Variants in LHFPL6 observed in about 807,000 individuals in gnomAD.
The protein encoded by LHFPL6 is LHFPL tetraspan subfamily member 6 protein.
In LHFPL6, 9 loss-of-function variants were observed where a neutral mutation model predicts 20.6. The ratio of observed to expected loss-of-function variants is 0.44; its 90% CI spans 0.26 to 0.76. The LOEUF is 0.76. Ranked by LOEUF, LHFPL6 falls within the 30% of genes least tolerant of loss-of-function variation. The pLI is 0.20. For synonymous variants in LHFPL6, 105 were observed against 98.7 expected (o/e 1.06, Z -0.38); for missense variants, 218 against 253.5 (o/e 0.86, Z 0.95).
At chr13:39,535,340 G>T (rs1870583662) in intron 2 of LHFPL6, among the ~76,000 whole-genome samples, 1 of 152,174 alleles carries the variant, frequency 6.6e-6, no homozygotes, top group South Asian at 2.1e-4. Flanking sequence ...TTGTTTCTCT[G>T]TCTCCTCTTT....
chr13:39,558,228 T>C (rs945332042), intron 2 of LHFPL6, among the ~76,000 whole-genome samples: 1 of 152,190 alleles, frequency 6.6e-6, no homozygotes, highest in Middle Eastern at 3.2e-3. Context: ...GTAGATGAGC[T>C]GTGGGGCCTT....
chr13:39,548,043 G>T (rs1045195280), intron 2 of LHFPL6, among the ~76,000 whole-genome samples: 9 of 151,974 alleles, frequency 5.9e-5, no homozygotes, highest in Non-Finnish European at 1.2e-4. Context: ...ATTGTTCTAC[G>T]TCAAAGACAA....
At chr13:39,378,303 C>T (rs367923153) in intron 3 of LHFPL6, 125 bp downstream of exon 3, 40 of 666,432 alleles carry the variant, frequency 6.0e-5, no homozygotes, top group South Asian at 5.9e-4. Flanking sequence ...TATTGTTACA[C>T]GTGACTACTG....
intron 2 of LHFPL6, among the ~76,000 whole-genome samples, chr13:39,481,953 A>G (rs549965607): frequency 1.3e-5 from 2 of 152,286 alleles, no homozygotes; most frequent in East Asian, 3.9e-4. Context: ...AAGAGGGAAC[A>G]GATTATAGGG....
At chr13:39,598,585 T>C (rs1872836788) in intron 2 of LHFPL6, among the ~76,000 whole-genome samples, 2 of 152,200 alleles carry the variant, frequency 1.3e-5, no homozygotes. Flanking sequence ...AGACAGAGTC[T>C]TGCTCTGTCG....
chr13:39,445,800 C>A (rs1872270694), intron 2 of LHFPL6, among the ~76,000 whole-genome samples: 1 of 152,132 alleles, frequency 6.6e-6, no homozygotes, highest in Non-Finnish European at 1.5e-5. Context: ...TAGAGGACAT[C>A]AAAGTTTGTT....
chr13:39,481,595 T>A (rs939638965), intron 2 of LHFPL6, among the ~76,000 whole-genome samples: 3 of 152,000 alleles, frequency 2.0e-5, no homozygotes, highest in Non-Finnish European at 4.4e-5. Context: ...CATGAAGATG[T>A]AAGGACATAA....
intron 2 of LHFPL6, among the ~76,000 whole-genome samples, chr13:39,537,134 C>T (rs1423939151): frequency 2.6e-5 from 4 of 152,180 alleles, no homozygotes; most frequent in Non-Finnish European, 4.4e-5. Context: ...TTTGCAGTGT[C>T]TTCCTGCCTT....
chr13:39,502,919 G>T (rs557561399), intron 2 of LHFPL6, among the ~76,000 whole-genome samples: 73 of 151,902 alleles, frequency 4.8e-4, no homozygotes, highest in Non-Finnish European at 9.1e-4. Flanking sequence ...TAGAGACAAG[G>T]TCTTGCTCTG....
At chr13:39,427,006 A>T (rs1025206547) in intron 2 of LHFPL6, among the ~76,000 whole-genome samples, 1 of 151,638 alleles carries the variant, frequency 6.6e-6, no homozygotes, top group Admixed American at 6.6e-5. Flanking sequence ...TTATTTATTT[A>T]AAAAAATATT....
intron 3 of LHFPL6, among the ~76,000 whole-genome samples, chr13:39,363,388 A>G (rs1869928889): frequency 6.6e-6 from 1 of 152,220 alleles, no homozygotes; most frequent in Admixed American, 6.5e-5. Context: ...GGGACCTAGG[A>G]GAAGGATCAT....
At chr13:39,579,949 A>G (rs1593372355) in intron 2 of LHFPL6, among the ~76,000 whole-genome samples, 1 of 152,198 alleles carries the variant, frequency 6.6e-6, no homozygotes, top group South Asian at 2.1e-4. Flanking sequence ...CATAGTACCT[A>G]TCACAGTTTC....
chr13:39,506,860 C>T (rs1287251842), intron 2 of LHFPL6, among the ~76,000 whole-genome samples: 3 of 152,156 alleles, frequency 2.0e-5, no homozygotes, highest in Admixed American at 2.0e-4. Context: ...TTAAATGAAA[C>T]ATGACATTCC....
intron 3 of LHFPL6, among the ~76,000 whole-genome samples, chr13:39,354,083 T>C (rs1337031339): frequency 1.3e-5 from 2 of 152,200 alleles, no homozygotes; most frequent in African/African-American, 4.8e-5. Context: ...TCTCAAGAAC[T>C]GCAGCTCTCC....
At chr13:39,574,988 T>G (rs941017811) in intron 2 of LHFPL6, among the ~76,000 whole-genome samples, 1 of 152,104 alleles carries the variant, frequency 6.6e-6, no homozygotes, top group Non-Finnish European at 1.5e-5. Context: ...TGAGAATCAC[T>G]TGAATCTGGG....
intron 2 of LHFPL6, among the ~76,000 whole-genome samples, chr13:39,562,976 AT>A (rs1566142431): frequency 6.6e-6 from 1 of 152,094 alleles, no homozygotes; most frequent in Non-Finnish European, 1.5e-5. Flanking sequence ...AAGAAAAAAA[AT>A]ATTTTATGCA....
At chr13:39,588,766 A>C (rs889624373) in intron 2 of LHFPL6, among the ~76,000 whole-genome samples, 3 of 152,228 alleles carry the variant, frequency 2.0e-5, no homozygotes, top group African/African-American at 4.8e-5. Context: ...GTTGCTAATA[A>C]ATAATTAAAT....
chr13:39,406,341 A>G (rs1250031092), intron 2 of LHFPL6, among the ~76,000 whole-genome samples: 1 of 152,198 alleles, frequency 6.6e-6, no homozygotes, highest in South Asian at 2.1e-4. Context: ...ATCCAACTTA[A>G]AATATTTTAA....
chr13:39,412,801 T>C (rs1871262747), intron 2 of LHFPL6, among the ~76,000 whole-genome samples: 1 of 151,750 alleles, frequency 6.6e-6, no homozygotes, highest in Non-Finnish European at 1.5e-5. Context: ...CGGGCTCCTG[T>C]AATCCCAGCT....
Sources: gnomAD v4.1 joint callset for allele counts (sites outside exome capture counted in the v4.1 genomes callset) on GRCh38, gnomAD v4.1.1 for gene constraint, MANE v1.5 for transcripts, NCBI Gene and HGNC (gene_info 2026-07-23, HGNC 2026-07-21) for gene names.